The following ADAMTS17 variants were observed in gnomAD, a reference collection of about 807,000 sequenced individuals.
ADAMTS17 encodes ADAM metallopeptidase with thrombospondin type 1 motif 17.
In ADAMTS17, 113 loss-of-function variants were observed where a neutral mutation model predicts 141.5. The ratio of observed to expected loss-of-function variants is 0.80; its 90% CI spans 0.69 to 0.93. The LOEUF is 0.93. Ranked by LOEUF, ADAMTS17 falls within the 40% of genes least tolerant of loss-of-function variation. The pLI, the probability that ADAMTS17 is intolerant of heterozygous loss-of-function variation, is 0.00. For synonymous variants in ADAMTS17, 768 were observed against 630.6 expected (o/e 1.22, Z -3.27); for missense variants, 1,659 against 1,517.9 (o/e 1.09, Z -1.54).
chr15:100,223,982 G>A (rs1351441116), intron 7 of ADAMTS17, among the ~76,000 whole-genome samples: 4 of 152,116 alleles, frequency 2.6e-5, no homozygotes, highest in African/African-American at 9.7e-5. Flanking sequence ...TCCAGCATGG[G>A]AGAAAGACGT....
At chr15:100,049,672 T>C (rs573835715) in intron 17 of ADAMTS17, among the ~76,000 whole-genome samples, 1 of 152,354 alleles carries the variant, frequency 6.6e-6, no homozygotes, top group Non-Finnish European at 1.5e-5. Context: ...TGCACGGCCA[T>C]GCCTTTGTCA....
intron 7 of ADAMTS17, among the ~76,000 whole-genome samples, chr15:100,231,165 C>G (rs1479506800): frequency 6.6e-6 from 1 of 152,178 alleles, no homozygotes; most frequent in Non-Finnish European, 1.5e-5. Context: ...AATGGTGTGC[C>G]TCATTATTTT....
chr15:100,252,261 G>T (rs181879140), intron 7 of ADAMTS17, among the ~76,000 whole-genome samples: 13 of 152,284 alleles, frequency 8.5e-5, no homozygotes, highest in Admixed American at 1.3e-4. Flanking sequence ...ATGAACACTG[G>T]CATTGGAGTC....
chr15:100,181,208 C>G (rs1308043373), intron 8 of ADAMTS17, among the ~76,000 whole-genome samples: 1 of 152,140 alleles, frequency 6.6e-6, no homozygotes, highest in African/African-American at 2.4e-5. Context: ...CCATTTAGGG[C>G]AGTGGACTCC....
chr15:100,116,132 TAA>T (rs34003703), intron 13 of ADAMTS17, among the ~76,000 whole-genome samples: 2,328 of 84,774 alleles, frequency 0.027, 56 homozygotes, highest in African/African-American at 0.08. Flanking sequence ...CAGTTTTAGG[TAA>T]AAAAAAAAAA....
At chr15:100,123,826 CT>C (rs1160965141) in intron 12 of ADAMTS17, among the ~76,000 whole-genome samples, 4 of 151,896 alleles carry the variant, frequency 2.6e-5, no homozygotes, top group Non-Finnish European at 1.5e-5. Flanking sequence ...CGCCCTGCCC[CT>C]GCCTCTGCCT....
Position 100,121,139 on chromosome 15 carries a change from T to C in ADAMTS17, c.1722-4126A>G, listed in dbSNP as rs780360916. ...AAGAAAGAATTAGCAAACTTGAATA[T>C]AGGACAATTGAAATTGCTGAGTCTG... is the stretch of plus-strand genomic sequence containing the variant. On this transcript the variant is annotated intron_variant, in intron 12 of 21. Transcript: ENST00000268070. Among the ~76,000 whole-genome samples the C allele has an allele frequency of 5.3e-5, 8 of 152,260 alleles. No homozygotes were observed. The South Asian group carries it at 1.2e-3, about 24-fold the overall frequency.
At chr15:100,324,356 GT>G (rs1276217032) in intron 3 of ADAMTS17, among the ~76,000 whole-genome samples, 1 of 152,118 alleles carries the variant, frequency 6.6e-6, no homozygotes, top group African/African-American at 2.4e-5. Flanking sequence ...CTGACCACAT[GT>G]TAACATAGGG....
chr15:100,177,701 T>C (rs1040438006), intron 8 of ADAMTS17, among the ~76,000 whole-genome samples: 2 of 152,192 alleles, frequency 1.3e-5, no homozygotes, highest in African/African-American at 4.8e-5. Context: ...TAATTTTCTG[T>C]CTAATATTTT....
intron 12 of ADAMTS17, among the ~76,000 whole-genome samples, chr15:100,125,242 G>A (rs1013968190): frequency 1.1e-4 from 16 of 152,188 alleles, no homozygotes; most frequent in African/African-American, 2.7e-4. Context: ...AGACATCCCA[G>A]GTTTAAGGCC....
intron 7 of ADAMTS17, among the ~76,000 whole-genome samples, chr15:100,253,507 G>GTAGAGGGGGAGGGGAAC (rs2043224602): frequency 1.3e-5 from 1 of 77,104 alleles, no homozygotes; most frequent in African/African-American, 5.2e-5. Context: ...GGGAGGGGAA[G>GTAGAGGGGGAGGGGAAC]GTAGAGGGGG....
chr15:100,103,894 C>G (rs879811944), intron 14 of ADAMTS17, among the ~76,000 whole-genome samples: 1 of 152,178 alleles, frequency 6.6e-6, no homozygotes, highest in African/African-American at 2.4e-5. Context: ...AATATGCAAT[C>G]AAAGGCTTTC....
rs1327026179 is a variant in ADAMTS17 at position 100,169,448 on chromosome 15, GAA to G, written c.1182-14130_1182-14129del. Among the ~76,000 whole-genome samples the G allele has an allele frequency of 2.0e-5, 3 of 152,174 alleles. No homozygotes were observed. In the East Asian group the frequency reaches 5.8e-4, roughly 29 times the overall value. ...TGGGAAAGAGAACTGTTTTCAATGT[GAA>G]AATCACTACTCATTACATATATCAT... On this transcript the variant is annotated intron_variant, in intron 8 of 21. Coordinates refer to ENST00000268070, the MANE Select transcript of ADAMTS17 (RefSeq NM_139057.4).
intron 15 of ADAMTS17, among the ~76,000 whole-genome samples, chr15:100,072,823 A>T (rs2034077259): frequency 6.6e-6 from 1 of 152,202 alleles, no homozygotes; most frequent in Admixed American, 6.5e-5. Context: ...AACCTAGGCA[A>T]TACCATTCAG....
chr15:100,277,204 C>A (rs74039149), intron 4 of ADAMTS17, among the ~76,000 whole-genome samples: 2 of 152,220 alleles, frequency 1.3e-5, no homozygotes, highest in South Asian at 4.2e-4. Context: ...CCAAACTTCA[C>A]GTGTTAGCCC....
chr15:100,078,264 G>A (rs1285181647), intron 15 of ADAMTS17, among the ~76,000 whole-genome samples: 2 of 150,026 alleles, frequency 1.3e-5, no homozygotes, highest in Admixed American at 6.6e-5. Flanking sequence ...AAATTCAGAT[G>A]AAAATGCAAC....
chr15:100,200,852 G>A (rs140214193), intron 7 of ADAMTS17, among the ~76,000 whole-genome samples: 9 of 151,480 alleles, frequency 5.9e-5, no homozygotes, highest in African/African-American at 2.2e-4. Flanking sequence ...CTGTCCCTCT[G>A]TCGAACTGCA....
At chr15:100,222,103 C>G (rs747687351) in intron 7 of ADAMTS17, among the ~76,000 whole-genome samples, 1 of 152,200 alleles carries the variant, frequency 6.6e-6, no homozygotes, top group Non-Finnish European at 1.5e-5. Flanking sequence ...ACTGCAGGAG[C>G]GGGATCAGCT....
intron 18 of ADAMTS17, among the ~76,000 whole-genome samples, chr15:100,010,666 G>C (rs1368513969): frequency 1.3e-5 from 2 of 152,192 alleles, no homozygotes; most frequent in African/African-American, 4.8e-5. Context: ...ACTCTGTTAC[G>C]AGAACAACCA....
Sources: gnomAD v4.1 joint callset for allele counts (sites outside exome capture counted in the v4.1 genomes callset) on GRCh38, gnomAD v4.1.1 for gene constraint, MANE v1.5 for transcripts, NCBI Gene and HGNC (gene_info 2026-07-23, HGNC 2026-07-21) for gene names.